The following SYNPR variants were observed in gnomAD, a reference collection of about 807,000 sequenced individuals.
SYNPR encodes synaptoporin.
A neutral mutation model predicts 32.9 loss-of-function variants in SYNPR; 23 were observed. The observed-to-expected ratio is 0.70, with a 90% CI of 0.50 to 0.99. The LOEUF is 0.99. SYNPR is among the 50% of genes least tolerant of loss of function. The pLI, the probability that SYNPR is intolerant of heterozygous loss-of-function variation, is 0.00. For synonymous variants in SYNPR, 146 were observed against 135.9 expected, an observed-to-expected ratio of 1.07 and a Z score of -0.52; for missense variants, 318 against 349.3, an observed-to-expected ratio of 0.91 and a Z score of 0.71.
At chr3:63,247,205 G>A (rs988938066) in intron 1 of SYNPR, among the ~76,000 whole-genome samples, 1 of 151,952 alleles carries the variant, frequency 6.6e-6, no homozygotes, top group Non-Finnish European at 1.5e-5. Flanking sequence ...GATCATTAAT[G>A]TTAAAATGGA....
intron 4 of SYNPR, among the ~76,000 whole-genome samples, chr3:63,581,099 A>G (rs1432761893): frequency 6.6e-6 from 1 of 152,166 alleles, no homozygotes; most frequent in African/African-American, 2.4e-5. Context: ...AAGAATGAAA[A>G]GTGAAGAGAC....
rs1293141528 is a variant in SYNPR at position 63,340,439 on chromosome 3, A to T, written c.84+61697A>T. Among the ~76,000 whole-genome samples, 8 of 45,458 alleles carry T rather than the reference A, an allele frequency of 1.8e-4. 1 individual carries two copies. Among genetic ancestry groups the T allele is most frequent in the Admixed American group, 1.4e-3 (5 of 3,644 alleles). 29.8% of individuals were successfully genotyped at this position (45,458 alleles called of 152,430 possible). On this transcript the variant is annotated intron_variant, in intron 2 of 5. Transcript: ENST00000478300. Reference sequence around the variant, plus strand: ...AATGTATTTTTTTTTTTTTTTTTTGAGACGGAGTCTCACTCTGTTGCCCAG... The same window carrying T: ...AATGTATTTTTTTTTTTTTTTTTTGTGACGGAGTCTCACTCTGTTGCCCAG...
chr3:63,329,610 C>T (rs1303800883), intron 2 of SYNPR, among the ~76,000 whole-genome samples: 2 of 152,246 alleles, frequency 1.3e-5, no homozygotes, highest in Admixed American at 6.5e-5. Flanking sequence ...GTTGGCCATA[C>T]GTCTTAAGAC....
Position 63,437,107 on chromosome 3 carries a change from C to T in SYNPR, c.85-43725C>T, listed in dbSNP as rs548188168. ...AGCCAGGCTGGTCTCAAACTCCTGACCTCAAGTTATCTGCCCACCTCGGCC... is the reference window on the plus strand; with the variant it reads ...AGCCAGGCTGGTCTCAAACTCCTGATCTCAAGTTATCTGCCCACCTCGGCC... On this transcript the variant is annotated intron_variant, in intron 2 of 5. Coordinates refer to ENST00000478300, the MANE Select transcript of SYNPR (RefSeq NM_001130003.2). 2.2e-4 allele frequency among the ~76,000 whole-genome samples: 33 copies of T among 152,208 alleles called. No individual in the cohort carries two copies. In the East Asian group the frequency reaches 6.2e-3, roughly 29 times the overall value.
intron 4 of SYNPR, among the ~76,000 whole-genome samples, chr3:63,568,627 T>C (rs1702834743): frequency 6.6e-6 from 1 of 152,180 alleles, no homozygotes; most frequent in South Asian, 2.1e-4. Context: ...GCTAGGTATA[T>C]GTGGGCCTAG....
At chr3:63,333,914 TCTTA>T (rs765632909) in intron 2 of SYNPR, among the ~76,000 whole-genome samples, 2 of 152,214 alleles carry the variant, frequency 1.3e-5, no homozygotes, top group Non-Finnish European at 2.9e-5. Flanking sequence ...AGCCGAAATG[TCTTA>T]CTAAGAGAGT....
intron 4 of SYNPR, among the ~76,000 whole-genome samples, chr3:63,567,339 T>C (rs887258527): frequency 1.3e-5 from 2 of 152,160 alleles, no homozygotes; most frequent in Non-Finnish European, 1.5e-5. Context: ...AAGAACACAA[T>C]AGCGTAACAG....
At chr3:63,545,950 A>C (rs564824486) in intron 3 of SYNPR, among the ~76,000 whole-genome samples, 53 of 152,274 alleles carry the variant, frequency 3.5e-4, no homozygotes, top group South Asian at 2.1e-3. Flanking sequence ...TTTCTATACT[A>C]ACCGAATAAA....
At chr3:63,229,373 G>T (rs560421620) in intron 1 of SYNPR, among the ~76,000 whole-genome samples, 1 of 152,230 alleles carries the variant, frequency 6.6e-6, no homozygotes, top group East Asian at 1.9e-4. Flanking sequence ...TTGGATGCAT[G>T]AGACCGTTAG....
chr3:63,520,672 C>CAAAA lies in SYNPR; in HGVS notation c.210-35860_210-35857dup, dbSNP rs5849560. 2.1e-5 allele frequency among the ~76,000 whole-genome samples: 3 copies of CAAAA among 142,572 alleles called. 1 individual carries two copies. 93.5% of individuals were successfully genotyped at this position (142,572 alleles called of 152,430 possible). A position where few individuals can be genotyped will look rare whatever the true frequency, so the allele number is the denominator to read the frequency against. On this transcript the variant is annotated intron_variant, in intron 3 of 5. Transcript: ENST00000478300. ...TGGGTGACAGAGCAAGACTCCATCT[C>CAAAA]AAAAAAAAAAAAAATCAGAGTGATC...
At chr3:63,556,796 T>G (rs746833998) in intron 4 of SYNPR, 55 bp downstream of exon 4, 1 of 1,508,538 alleles carries the variant, frequency 6.6e-7, no homozygotes, top group Admixed American at 2.2e-5. Context: ...TTTCTTTTAC[T>G]AATGCTTGAA....
In SYNPR at chr3:63,283,810, C is replaced by CTTTTT. The variant is rs142282438; in HGVS notation, c.84+5089_84+5093dup. 1.2e-3 allele frequency among the ~76,000 whole-genome samples: 107 copies of CTTTTT among 87,154 alleles called. 2 individuals carry two copies. Among genetic ancestry groups the CTTTTT allele is most frequent in the African/African-American group, 3.2e-3 (65 of 20,540 alleles). 57.2% of individuals were successfully genotyped at this position (87,154 alleles called of 152,430 possible). On this transcript the variant is annotated intron_variant, in intron 2 of 5. Coordinates refer to ENST00000478300, the MANE Select transcript of SYNPR (RefSeq NM_001130003.2). ...GTATAGTCCTTCCACAGATAATTAC[C>CTTTTT]TTTTTTTTTTTTTTTTTTTTTTTTT...
intron 1 of SYNPR, among the ~76,000 whole-genome samples, chr3:63,229,263 G>A (rs772064654): frequency 1.3e-4 from 20 of 152,172 alleles, no homozygotes; most frequent in Non-Finnish European, 2.2e-4. Context: ...AGCATCTGAT[G>A]TACACACACA....
rs150384466 is a variant in SYNPR, at chr3:63,434,110, C to T, written c.85-46722C>T. 4.0e-3 allele frequency among the ~76,000 whole-genome samples: 604 copies of T among 152,248 alleles called. 2 individuals are homozygous for T. Among genetic ancestry groups the T allele is most frequent in the Middle Eastern group, 0.017 (5 of 294 alleles). On this transcript the variant is annotated intron_variant, in intron 2 of 5. Coordinates refer to ENST00000478300, the MANE Select transcript of SYNPR (RefSeq NM_001130003.2). ...TGTTATACACTCTACGTTTCATAAA[C>T]TACATGGGGAGAAACAGACTTTCAT... is the stretch of plus-strand genomic sequence containing the variant.
At chr3:63,237,041 C>G (rs1211883388) in intron 1 of SYNPR, among the ~76,000 whole-genome samples, 1 of 152,222 alleles carries the variant, frequency 6.6e-6, no homozygotes, top group East Asian at 1.9e-4. Context: ...TTACTCCCAA[C>G]TTGGTAACAG....
rs7630023 is a variant in SYNPR at position 63,340,262 on chromosome 3, T to C, written c.84+61520T>C. Among the ~76,000 whole-genome samples, 947 of 152,288 alleles carry C rather than the reference T, an allele frequency of 6.2e-3. 10 individuals carry two copies. The highest frequency in any genetic ancestry group is 0.021 in the African/African-American group (893 of 41,556). On this transcript the variant is annotated intron_variant, in intron 2 of 5. Coordinates refer to ENST00000478300, the MANE Select transcript of SYNPR (RefSeq NM_001130003.2). Reference sequence around the variant, plus strand: ...ATTTTATGGCTAGTATGAATGAAGCTGCTATCAATGCACATATACAGGTTT... The same window carrying C: ...ATTTTATGGCTAGTATGAATGAAGCCGCTATCAATGCACATATACAGGTTT...
intron 2 of SYNPR, among the ~76,000 whole-genome samples, chr3:63,372,972 TC>T (rs1332486312): frequency 2.0e-5 from 3 of 152,092 alleles, no homozygotes; most frequent in Non-Finnish European, 4.4e-5. Context: ...ACACCAAAAA[TC>T]CTTTGATAAT....
chr3:63,355,812 T>A (rs1279766099), intron 2 of SYNPR, among the ~76,000 whole-genome samples: 1 of 152,174 alleles, frequency 6.6e-6, no homozygotes, highest in Non-Finnish European at 1.5e-5. Context: ...CTTTGACTCA[T>A]CCACCATGTC....
At chr3:63,235,408 T>A (rs1398501956) in intron 1 of SYNPR, among the ~76,000 whole-genome samples, 1 of 152,202 alleles carries the variant, frequency 6.6e-6, no homozygotes, top group East Asian at 1.9e-4. Context: ...AGATTTATGA[T>A]AATGCCCACA....
Sources: allele counts gnomAD v4.1 joint callset (sites outside exome capture counted in the v4.1 genomes callset), GRCh38; gene constraint gnomAD v4.1.1; transcripts MANE v1.5; gene names NCBI Gene and HGNC (gene_info 2026-07-23, HGNC 2026-07-21).